The following PGBD2 variants were observed in gnomAD, a reference collection of about 807,000 sequenced individuals.
PGBD2 encodes the protein piggyBac transposable element derived 2.
A neutral mutation model predicts 8.1 loss-of-function variants in PGBD2; 6 were observed. That is an observed-to-expected ratio of 0.74 (90% CI 0.40 to 1.46). PGBD2 has a LOEUF of 1.46. Ranked by LOEUF, PGBD2 falls within the 40% of genes most tolerant of loss-of-function variation. The pLI, the probability that PGBD2 is intolerant of heterozygous loss-of-function variation, is 0.02. For synonymous variants in PGBD2, 318 were observed against 272.2 expected (o/e 1.17, Z -1.66); for missense variants, 802 against 739.0 (o/e 1.09, Z -0.99).
In PGBD2 at chr1:248,916,736, C is replaced by T. The variant is rs374760809; in HGVS notation, c.152C>T (p.Ala51Val). The change falls in exon 3 of 3, where the codon GCG (alanine) becomes GTG (valine). Residue 51 changes from alanine to valine, a missense_variant. By Grantham distance (64) the Ala-to-Val change is moderately conservative. Coordinates refer to ENST00000329291, the MANE Select transcript of PGBD2 (RefSeq NM_170725.3). ...EIFIAPPDNA[A>V]GEFTDEDSGD... ...TTCATTGCACCTCCCGACAATGCTG[C>T]GGGGGAATTCACTGATGAGGACTCA... The T allele has an allele frequency of 2.8e-5, 45 of 1,613,982 alleles. No individual in the cohort carries two copies. The highest frequency in any genetic ancestry group is 1.2e-4 in the African/African-American group (9 of 74,904).
chr1:248,924,039 A>G (rs1662338011), downstream of PGBD2, among the ~76,000 whole-genome samples: 1 of 152,232 alleles, frequency 6.6e-6, no homozygotes, highest in South Asian at 2.1e-4. Context: ...GGGACACAGA[A>G]GAGTCCACCC....
At chr1:248,886,338 C>A in the PGBD2 span, among the ~76,000 whole-genome samples, 2 of 152,136 alleles carry the variant, frequency 1.3e-5, no homozygotes, top group Non-Finnish European at 2.9e-5. Flanking sequence ...GGGTGATCAC[C>A]TAAATGAGTT....
At position 248,916,768 on chromosome 1, in the gene PGBD2, G is replaced by T. The variant is rs750203374; in HGVS notation, c.184G>T (p.Glu62Ter). 5 of 1,614,192 alleles carry T rather than the reference G, an allele frequency of 3.1e-6. No individual in the cohort carries two copies. The highest frequency in any genetic ancestry group is 4.2e-6 in the Non-Finnish European group (5 of 1,180,036). The change falls in exon 3 of 3, where the codon GAA becomes TAA. Residue 62 changes from glutamate to a stop codon, truncating the protein, a stop_gained. Transcript: ENST00000329291. LOFTEE classifies it low-confidence loss of function (END_TRUNC). ...GEFTDEDSGD[E>*]DSQRGAHLPG... ...ATTCACTGATGAGGACTCAGGGGATGAAGACAGCCAGCGAGGTGCTCACCT... is the reference window on the plus strand; with the variant it reads ...ATTCACTGATGAGGACTCAGGGGATTAAGACAGCCAGCGAGGTGCTCACCT...
Position 248,917,577 on chromosome 1 carries a change from A to G in PGBD2, c.993A>G (p.Val331=). Residue 331 remains valine (V), a synonymous_variant, in exon 3 of 3, where the codon GTA becomes GTG. Coordinates refer to ENST00000329291, the MANE Select transcript of PGBD2 (RefSeq NM_170725.3). ...GCTTGGATCTAGGAGGCAGTATGGT[A>G]ATAAAATTTGTGGATGCGCTTCAGG... ...DRSLDLGGSM[V]IKFVDALQER... 6.2e-7 allele frequency: 1 copy of G among 1,614,220 alleles called. No individual in the cohort carries two copies. The highest frequency in any genetic ancestry group is 8.5e-7 in the Non-Finnish European group (1 of 1,180,042).
chr1:248,913,759 G>C, intron 1 of PGBD2, 57 bp from the exon 2 acceptor site: 1 of 883,836 alleles, frequency 1.1e-6, no homozygotes, highest in Non-Finnish European at 1.9e-6. Flanking sequence ...AAAAGATCCT[G>C]TTGCCTTGCT....
chr1:248,914,953 T>C (rs1662041269), intron 2 of PGBD2, among the ~76,000 whole-genome samples: 1 of 152,222 alleles, frequency 6.6e-6, no homozygotes, highest in Non-Finnish European at 1.5e-5. Flanking sequence ...TGTGTGCCTG[T>C]GGTTCTTTCT....
the PGBD2 span, among the ~76,000 whole-genome samples, chr1:248,874,903 G>GAGGT: frequency 1.9e-4 from 27 of 145,422 alleles, no homozygotes; most frequent in Admixed American, 6.9e-4. Flanking sequence ...TAGGTAGATA[G>GAGGT]AGATAGATAG....
At chr1:248,910,467 C>T (rs1661832432) in intron 1 of PGBD2, among the ~76,000 whole-genome samples, 1 of 152,196 alleles carries the variant, frequency 6.6e-6, no homozygotes, top group African/African-American at 2.4e-5. Flanking sequence ...ATGATGATCC[C>T]ATTTTACAGG....
At chr1:248,892,307 CCTTCTTTCCTTTCTTCCTTTTACTTTA>C in the PGBD2 span, among the ~76,000 whole-genome samples, 1 of 132,956 alleles carries the variant, frequency 7.5e-6, no homozygotes. Flanking sequence ...TCCCTTCCTT[CCTTCTTTCCTTTCTTCCTTTTACTTTA>C]TTTCTTTCTT....
chr1:248,913,542 C>T (rs551288826), intron 1 of PGBD2, among the ~76,000 whole-genome samples: 10 of 152,060 alleles, frequency 6.6e-5, no homozygotes, highest in Non-Finnish European at 1.5e-4. Flanking sequence ...CCAGGGATGC[C>T]GCTAAACATC....
At chr1:248,875,742 C>T in the PGBD2 span, among the ~76,000 whole-genome samples, 2 of 152,158 alleles carry the variant, frequency 1.3e-5, no homozygotes, top group African/African-American at 4.8e-5. Flanking sequence ...CACGATCAGA[C>T]GGAACCAGGT....
At chr1:248,922,388 C>G (rs998179476), downstream of PGBD2, among the ~76,000 whole-genome samples, 21 of 152,180 alleles carry the variant, frequency 1.4e-4, no homozygotes, top group African/African-American at 4.6e-4. Flanking sequence ...AATATACAAT[C>G]ATGTCATCTG....
upstream of PGBD2, among the ~76,000 whole-genome samples, chr1:248,901,470 G>C (rs1661531513): frequency 6.6e-6 from 1 of 152,080 alleles, no homozygotes; most frequent in African/African-American, 2.4e-5. Context: ...TGATAAACCT[G>C]ACAAAAACAA....
At chr1:248,878,401 A>C in the PGBD2 span, among the ~76,000 whole-genome samples, 1 of 152,046 alleles carries the variant, frequency 6.6e-6, no homozygotes, top group Admixed American at 6.5e-5. Context: ...CTGGTCTCGA[A>C]TTCCTGACCT....
chr1:248,919,391 C>T (rs1662236497), downstream of PGBD2: 1 of 166,602 alleles, frequency 6.0e-6, no homozygotes, highest in Non-Finnish European at 1.5e-5. Flanking sequence ...CCTCCAGTTC[C>T]ATTCATGTTG....
the PGBD2 span, among the ~76,000 whole-genome samples, chr1:248,929,505 G>A: frequency 2.0e-5 from 3 of 152,256 alleles, no homozygotes; most frequent in East Asian, 5.8e-4. Flanking sequence ...AGCCCAAGAG[G>A]GCAGAAAAAG....
chr1:248,913,773 T>G (rs554722072), intron 1 of PGBD2, 43 bp from the exon 2 acceptor site: 2 of 1,040,956 alleles, frequency 1.9e-6, no homozygotes, highest in Admixed American at 1.8e-5. Flanking sequence ...CCTTGCTTCT[T>G]AAGATACAAT....
At chr1:248,898,272 C>G in the PGBD2 span, among the ~76,000 whole-genome samples, 1 of 152,192 alleles carries the variant, frequency 6.6e-6, no homozygotes, top group East Asian at 1.9e-4. Context: ...CCTATCCCTC[C>G]TGACTGAATG....
the PGBD2 span, among the ~76,000 whole-genome samples, chr1:248,874,278 G>A: frequency 3.9e-5 from 6 of 152,244 alleles, no homozygotes; most frequent in South Asian, 2.1e-4. Context: ...AGGATTCGGC[G>A]CTCTCACCGC....
Sources: gnomAD v4.1 joint callset for allele counts (sites outside exome capture counted in the v4.1 genomes callset) on GRCh38, gnomAD v4.1.1 for gene constraint, MANE v1.5 for transcripts, NCBI Gene and HGNC (gene_info 2026-07-23, HGNC 2026-07-21) for gene names.